Variants in CEP57 observed in about 807,000 individuals in gnomAD.
CEP57 encodes the protein centrosomal protein 57.
A neutral mutation model predicts 68.0 loss-of-function variants in CEP57; 40 were observed. That is an observed-to-expected ratio of 0.59 (90% CI 0.46 to 0.77). The LOEUF (loss-of-function observed/expected upper bound fraction) is 0.77. CEP57 is among the 30% of genes least tolerant of loss of function. The pLI is 0.00. For missense variants in CEP57, 606 were observed against 580.7 expected, an observed-to-expected ratio of 1.04 and a Z score of -0.45; for synonymous variants, 219 against 198.7, an observed-to-expected ratio of 1.10 and a Z score of -0.86.
chr11:95,812,824 G>A, intron 2 of CEP57, 108 bp from the exon 3 acceptor site: 2 of 930,570 alleles, frequency 2.1e-6, no homozygotes. Flanking sequence ...ATCCTCCACT[G>A]GACTCATCCA....
chr11:95,810,600 G>A (rs1026274431), intron 2 of CEP57, among the ~76,000 whole-genome samples: 7 of 152,090 alleles, frequency 4.6e-5, no homozygotes, highest in Non-Finnish European at 8.8e-5. Flanking sequence ...ATTCACAATT[G>A]CTTCAAAGAC....
chr11:95,796,891 A>G (rs560453491), intron 1 of CEP57, among the ~76,000 whole-genome samples: 17 of 152,152 alleles, frequency 1.1e-4, no homozygotes, highest in Non-Finnish European at 2.4e-4. Flanking sequence ...TAAAGGACAC[A>G]ACTCAGAAAC....
chr11:95,830,691 G>C (rs1862962971), intron 10 of CEP57, among the ~76,000 whole-genome samples: 1 of 151,828 alleles, frequency 6.6e-6, no homozygotes, highest in African/African-American at 2.4e-5. Context: ...TCCTTCATGA[G>C]TCTTTCCTTC....
At chr11:95,798,106 A>G (rs1861424844) in intron 1 of CEP57, among the ~76,000 whole-genome samples, 1 of 152,260 alleles carries the variant, frequency 6.6e-6, no homozygotes, top group South Asian at 2.1e-4. Context: ...AACATACTAT[A>G]GTAGACTTAG....
At chr11:95,815,544 T>C (rs1862265714) in intron 4 of CEP57, among the ~76,000 whole-genome samples, 2 of 152,188 alleles carry the variant, frequency 1.3e-5, no homozygotes, top group African/African-American at 4.8e-5. Flanking sequence ...AGAAAAGTTA[T>C]ATGGTGGTCT....
intron 4 of CEP57, among the ~76,000 whole-genome samples, chr11:95,815,427 C>T (rs1170120584): frequency 6.6e-6 from 1 of 152,008 alleles, no homozygotes; most frequent in Non-Finnish European, 1.5e-5. Flanking sequence ...AAACAATTCT[C>T]AATTTTTTTT....
chr11:95,797,758 A>T (rs1044594081), intron 1 of CEP57, among the ~76,000 whole-genome samples: 14 of 152,236 alleles, frequency 9.2e-5, no homozygotes, highest in Non-Finnish European at 2.1e-4. Context: ...AACATACAAA[A>T]TGTAGAACAG....
At chr11:95,816,383 G>A (rs1336410552) in intron 4 of CEP57, among the ~76,000 whole-genome samples, 2 of 152,172 alleles carry the variant, frequency 1.3e-5, no homozygotes, top group East Asian at 3.8e-4. Flanking sequence ...ATGAGATTTG[G>A]TTGGAGACAC....
intron 1 of CEP57, 140 bp downstream of exon 1, chr11:95,790,883 C>T (rs1861010016): frequency 1.2e-5 from 12 of 994,010 alleles, no homozygotes; most frequent in South Asian, 8.2e-5. Flanking sequence ...CCCCGCGCTC[C>T]CCAAGCTTCC....
chr11:95,792,259 T>TCACC (rs1861118491), intron 1 of CEP57, among the ~76,000 whole-genome samples: 1 of 152,178 alleles, frequency 6.6e-6, no homozygotes, highest in African/African-American at 2.4e-5. Context: ...GGAGATGTGA[T>TCACC]TAAACTTGGG....
chr11:95,822,368 A>C, intron 7 of CEP57, 131 bp from the exon 8 acceptor site: 2 of 716,524 alleles, frequency 2.8e-6, no homozygotes, highest in Non-Finnish European at 4.9e-6. Flanking sequence ...CTGGCTTGTG[A>C]TCATAATGCC....
chr11:95,818,568 T>C (rs2135341106), intron 5 of CEP57, among the ~76,000 whole-genome samples: 1 of 152,294 alleles, frequency 6.6e-6, no homozygotes, highest in African/African-American at 2.4e-5. Flanking sequence ...CCTATCCCTC[T>C]TTACATTCAT....
intron 2 of CEP57, among the ~76,000 whole-genome samples, chr11:95,800,081 T>A (rs1038980520): frequency 1.3e-5 from 2 of 152,212 alleles, no homozygotes; most frequent in African/African-American, 4.8e-5. Flanking sequence ...ATATTTGTTA[T>A]CTCAGTTTTC....
In CEP57 at chr11:95,831,339, C is replaced by A; in HGVS notation, c.*83C>A. ...GACAATTTACTTCCCAGGTCTCATA[C>A]TCACTTATGTTGGAATTAATTAATA... On this transcript the variant is annotated 3_prime_UTR_variant, in exon 11 of 11. Transcript: ENST00000325542. The A allele has an allele frequency of 1.0e-6, 1 of 988,772 alleles. No individual in the cohort carries two copies. The highest frequency in any genetic ancestry group is 1.6e-6 in the Non-Finnish European group (1 of 633,838). 61.2% of individuals were successfully genotyped at this position (988,772 alleles called of 1,614,324 possible).
At chr11:95,804,194 G>A (rs3017756) in intron 2 of CEP57, among the ~76,000 whole-genome samples, 52,735 of 152,022 alleles carry the variant, frequency 0.35, 9,857 homozygotes, top group Non-Finnish European at 0.42. Context: ...GGTGTTTACT[G>A]CCATACAAAT....
At chr11:95,806,298 C>T (rs1861796377) in intron 2 of CEP57, among the ~76,000 whole-genome samples, 1 of 152,174 alleles carries the variant, frequency 6.6e-6, no homozygotes, top group Non-Finnish European at 1.5e-5. Flanking sequence ...GTCTACAGCT[C>T]CCAGTGTGAG....
At chr11:95,817,946 G>A (rs773734461) in intron 5 of CEP57, 43 bp downstream of exon 5, 6 of 1,160,114 alleles carry the variant, frequency 5.2e-6, no homozygotes, top group South Asian at 1.3e-5. Flanking sequence ...TATCAGGGTG[G>A]TTTTTTTTTA....
In CEP57 at chr11:95,790,713, T is replaced by G. The variant is rs1860990343; in HGVS notation, c.15T>G (p.Ser5=). The G allele has an allele frequency of 6.2e-7, 1 of 1,614,118 alleles. No individual in the cohort carries two copies. The change falls in exon 1 of 11, where the codon TCT becomes TCG. Residue 5 remains serine, a synonymous_variant. Coordinates refer to ENST00000325542, the MANE Select transcript of CEP57 (RefSeq NM_014679.5). Reference sequence around the variant, plus strand: ...CAGGCTGAAAGATGGCGGCGGCGTCTGTCTCTGCGGCTTCTGGTTCTCACT... The same window carrying G: ...CAGGCTGAAAGATGGCGGCGGCGTCGGTCTCTGCGGCTTCTGGTTCTCACT... MAAA[S]VSAASGSHLS...
intron 2 of CEP57, among the ~76,000 whole-genome samples, chr11:95,804,911 A>G (rs1302807502): frequency 6.6e-6 from 1 of 152,132 alleles, no homozygotes; most frequent in Non-Finnish European, 1.5e-5. Flanking sequence ...TATCCTCTGC[A>G]TTTATTCAGT....
Sources: allele counts gnomAD v4.1 joint callset (sites outside exome capture counted in the v4.1 genomes callset), GRCh38; gene constraint gnomAD v4.1.1; transcripts MANE v1.5; gene names NCBI Gene and HGNC (gene_info 2026-07-23, HGNC 2026-07-21).